Variants in ILDR2 observed in about 807,000 individuals in gnomAD.
The protein encoded by ILDR2 is immunoglobulin-like domain-containing receptor 2.
ILDR2 carries 25 observed loss-of-function variants against 66.8 expected under a neutral mutation model. That is an observed-to-expected ratio of 0.37 (90% confidence interval 0.27 to 0.52). The LOEUF (loss-of-function observed/expected upper bound fraction) is 0.52. Ranked by LOEUF, ILDR2 falls within the 20% of genes least tolerant of loss-of-function variation. The pLI is 0.88. For synonymous variants in ILDR2, 367 were observed against 357.2 expected (o/e 1.03, Z -0.31); for missense variants, 827 against 876.8 (o/e 0.94, Z 0.72).
Position 166,922,646 on chromosome 1 carries a change from G to A in ILDR2, c.1158C>T (p.Arg386=), listed in dbSNP as rs532680583. The A allele has an allele frequency of 1.1e-5, 17 of 1,614,156 alleles. No individual in the cohort carries two copies. Among genetic ancestry groups the A allele is most frequent in the Admixed American group, 6.7e-5 (4 of 60,020 alleles). Residue 386 remains arginine, a synonymous_variant, in exon 8 of 10, where the codon CGC becomes CGT. Transcript: ENST00000271417. ...TGTTATACTCCATGGCTGAGGGCCCGCGGCTTGCCCCACTGCTGCCTCCCA... is the reference window on the plus strand; with the variant it reads ...TGTTATACTCCATGGCTGAGGGCCCACGGCTTGCCCCACTGCTGCCTCCCA... ...GVMGGSSGAS[R]GPSAMEYNKE...
At position 166,921,389 on chromosome 1, in the gene ILDR2, GAGA is replaced by G. The variant is rs770394625; in HGVS notation, c.1212-13_1212-11del. 11 of 1,548,374 alleles carry G rather than the reference GAGA, an allele frequency of 7.1e-6. 1 individual carries two copies. Among genetic ancestry groups the G allele is most frequent in the African/African-American group, 2.7e-5 (2 of 73,296 alleles). On this transcript the variant is annotated splice_polypyrimidine_tract_variant and intron_variant, in intron 8 of 9. Transcript: ENST00000271417. This position sits in a 1 kb window ranked among gnomAD's most constrained non-coding sequence, Gnocchi z 5.3. ...CTTGGAGCGCGGCTGGCTGCGGGCA[GAGA>G]AGGAGGGGGTCAGACGGCCGGTCCC...
chr1:166,953,637 G>C (rs1557950620), intron 3 of ILDR2, among the ~76,000 whole-genome samples: 1 of 152,224 alleles, frequency 6.6e-6, no homozygotes, highest in Non-Finnish European at 1.5e-5. Context: ...ATTCTTCTGG[G>C]TTCCTTGTGA....
intron 3 of ILDR2, among the ~76,000 whole-genome samples, chr1:166,952,950 C>T (rs924104447): frequency 1.3e-5 from 2 of 152,136 alleles, no homozygotes; most frequent in African/African-American, 4.8e-5. Context: ...TACCTGCCCT[C>T]CTACAAGATT....
rs199573047 is a variant in ILDR2 at position 166,935,497 on chromosome 1, G to A, written c.704-20C>T. The A allele has an allele frequency of 1.2e-5, 18 of 1,543,380 alleles. No individual in the cohort carries two copies. Among genetic ancestry groups the A allele is most frequent in the East Asian group, 2.3e-5 (1 of 44,186 alleles). ...CATACACTGTGGAGGGAGATCAAGAGCAAGAGAGATTACGTCGTCCCACCC... is the reference window on the plus strand; with the variant it reads ...CATACACTGTGGAGGGAGATCAAGAACAAGAGAGATTACGTCGTCCCACCC... On this transcript the variant is annotated intron_variant, in intron 5 of 9. Transcript: ENST00000271417.
intron 1 of ILDR2, among the ~76,000 whole-genome samples, chr1:166,966,613 C>G (rs879380519): frequency 2.0e-5 from 3 of 152,208 alleles, no homozygotes; most frequent in Admixed American, 2.0e-4. Context: ...TTCTTGTACT[C>G]TGCCATCACT....
chr1:166,901,310 C>A (rs1557918879), intron 2 of ILDR2, among the ~76,000 whole-genome samples: 1 of 152,216 alleles, frequency 6.6e-6, no homozygotes, highest in African/African-American at 2.4e-5. Context: ...ATCAACCTTA[C>A]AATCACTAGG....
intron 3 of ILDR2, among the ~76,000 whole-genome samples, chr1:166,951,525 T>C (rs1292505707): frequency 3.3e-5 from 5 of 152,180 alleles, no homozygotes; most frequent in Non-Finnish European, 7.3e-5. Context: ...TTCTGAAAAA[T>C]ACAGCAGTTA....
Position 166,918,279 on chromosome 1 carries a change from AT to A in ILDR2, c.*1075del, listed in dbSNP as rs1415946312. On this transcript the variant is annotated 3_prime_UTR_variant, in exon 10 of 10. Transcript: ENST00000271417. ...TGTTCCACATCCCCCATGTCCTAGAATGGCAGAACTGGGATGGCAGAAACAA... is the reference window on the plus strand; with the variant it reads ...TGTTCCACATCCCCCATGTCCTAGAAGGCAGAACTGGGATGGCAGAAACAA... 1.3e-5 allele frequency: 2 copies of A among 152,222 alleles called. No individual in the cohort carries two copies. The highest frequency in any genetic ancestry group is 2.4e-5 in the African/African-American group (1 of 41,458). 9.4% of individuals were successfully genotyped at this position (152,222 alleles called of 1,614,324 possible).
downstream of ILDR2, chr1:166,907,289 G>A (rs926157966): frequency 2.0e-5 from 3 of 152,214 alleles, no homozygotes; most frequent in African/African-American, 7.2e-5. Flanking sequence ...TCTCTCTGAA[G>A]CAATGAAAAT....
chr1:166,960,806 T>C (rs1213367756), intron 1 of ILDR2, among the ~76,000 whole-genome samples: 1 of 152,184 alleles, frequency 6.6e-6, no homozygotes, highest in East Asian at 1.9e-4. Context: ...CTAATTCCAT[T>C]CTCCCTCACT....
intron 3 of ILDR2, among the ~76,000 whole-genome samples, chr1:166,942,090 G>A (rs773509309): frequency 1.3e-5 from 2 of 152,306 alleles, no homozygotes; most frequent in Non-Finnish European, 2.9e-5. Flanking sequence ...AAAATGAAGG[G>A]GTTGAATGGA....
intron 1 of ILDR2, among the ~76,000 whole-genome samples, chr1:166,971,354 A>T (rs1663283547): frequency 6.6e-6 from 1 of 152,218 alleles, no homozygotes; most frequent in African/African-American, 2.4e-5. Flanking sequence ...GAGCTGCTGC[A>T]CCAGTCCTGG....
At chr1:166,973,263 C>T (rs1233670717) in intron 1 of ILDR2, among the ~76,000 whole-genome samples, 1 of 152,072 alleles carries the variant, frequency 6.6e-6, no homozygotes, top group Non-Finnish European at 1.5e-5. Context: ...TCCCTCAAAA[C>T]AAAAATAAAA....
chr1:166,920,230 T>G (rs1394639634), intron 9 of ILDR2, among the ~76,000 whole-genome samples: 1 of 152,172 alleles, frequency 6.6e-6, no homozygotes, highest in East Asian at 1.9e-4. Context: ...GCTCTTAGCC[T>G]TCTCTGGGAT....
Position 166,936,806 on chromosome 1 carries a change from G to T in ILDR2, c.557-69C>A. The T allele has an allele frequency of 1.3e-6, 2 of 1,489,080 alleles. No homozygotes were observed. Among genetic ancestry groups the T allele is most frequent in the Non-Finnish European group, 1.9e-6 (2 of 1,075,748 alleles). The allele number at this position is 1,489,080 out of a possible 1,614,324, so 92.2% of individuals were successfully genotyped here. On this transcript the variant is annotated intron_variant, in intron 4 of 9. Coordinates refer to ENST00000271417, the MANE Select transcript of ILDR2 (RefSeq NM_199351.3). The surrounding 1 kb of genome is among the most constrained non-coding windows in gnomAD (Gnocchi z 5.0). ...TCCAGGGCAGGGTGCACTTTGATTGGCATCTCCCGGTGAAAGGGGGAGAGG... is the reference window on the plus strand; with the variant it reads ...TCCAGGGCAGGGTGCACTTTGATTGTCATCTCCCGGTGAAAGGGGGAGAGG...
At chr1:166,965,790 G>T (rs555758270) in intron 1 of ILDR2, among the ~76,000 whole-genome samples, 1 of 150,926 alleles carries the variant, frequency 6.6e-6, no homozygotes, top group African/African-American at 2.4e-5. Flanking sequence ...GGCCAAGCTG[G>T]TCAACTTAGG....
intron 3 of ILDR2, 113 bp downstream of exon 3, chr1:166,956,620 A>T: frequency 8.7e-7 from 1 of 1,143,092 alleles, no homozygotes; most frequent in East Asian, 2.4e-5. Context: ...ATGAAAGATA[A>T]GACTGTGTAT....
At chr1:166,956,898 G>T (rs751386250) in intron 2 of ILDR2, 46 bp from the exon 3 acceptor site, 1 of 1,597,570 alleles carries the variant, frequency 6.3e-7, no homozygotes, top group South Asian at 1.1e-5. Flanking sequence ...TCTGTCCTCT[G>T]AAAGAAAAAC....
intron 1 of ILDR2, among the ~76,000 whole-genome samples, chr1:166,972,201 G>A (rs961766873): frequency 9.9e-5 from 15 of 151,148 alleles, no homozygotes; most frequent in Non-Finnish European, 1.9e-4. Context: ...GACAGAGTGA[G>A]ACTCTGTCTC....
Sources: gnomAD v4.1 joint callset for allele counts (sites outside exome capture counted in the v4.1 genomes callset) on GRCh38, gnomAD v4.1.1 for gene constraint, Gnocchi (gnomAD v3.1) non-coding constraint, MANE v1.5 for transcripts, NCBI Gene and HGNC (gene_info 2026-07-23, HGNC 2026-07-21) for gene names.